Variants in CSTPP1 observed in about 807,000 individuals in gnomAD.
CSTPP1 encodes the protein centriolar satellite-associated tubulin polyglutamylase complex regulator 1.
chr11:47,031,927 G>A, the CSTPP1 span, among the ~76,000 whole-genome samples: 1 of 152,030 alleles, frequency 6.6e-6, no homozygotes, highest in Non-Finnish European at 1.5e-5. Flanking sequence ...AATGTTTTAG[G>A]GCAGGAAGCA....
chr11:46,984,081 C>T, the CSTPP1 span, among the ~76,000 whole-genome samples: 4 of 152,194 alleles, frequency 2.6e-5, no homozygotes, highest in South Asian at 2.1e-4. Context: ...CATAAATTCA[C>T]GTGGACCCAA....
At chr11:47,060,409 TGTA>T in the CSTPP1 span, among the ~76,000 whole-genome samples, 1 of 151,858 alleles carries the variant, frequency 6.6e-6, no homozygotes, top group Non-Finnish European at 1.5e-5. Flanking sequence ...AGCTAATTTT[TGTA>T]TTTTTTGTAG....
the CSTPP1 span, among the ~76,000 whole-genome samples, chr11:47,070,103 C>T: frequency 2.0e-5 from 3 of 152,138 alleles, no homozygotes; most frequent in African/African-American, 7.2e-5. Flanking sequence ...TCTACCAAGC[C>T]AGGCACAGTG....
chr11:47,021,181 A>G, the CSTPP1 span, among the ~76,000 whole-genome samples: 3 of 152,178 alleles, frequency 2.0e-5, no homozygotes, highest in Non-Finnish European at 4.4e-5. Context: ...CCTTGTCATC[A>G]TTGGCCTTAC....
At chr11:47,151,077 G>C in the CSTPP1 span, among the ~76,000 whole-genome samples, 1 of 151,864 alleles carries the variant, frequency 6.6e-6, no homozygotes, top group Non-Finnish European at 1.5e-5. Flanking sequence ...CAACACAATG[G>C]TAAAATGGTC....
At chr11:46,994,105 T>G in the CSTPP1 span, among the ~76,000 whole-genome samples, 1 of 152,214 alleles carries the variant, frequency 6.6e-6, no homozygotes, top group Non-Finnish European at 1.5e-5. Context: ...TAGGAATGCT[T>G]GTGATTTTTG....
the CSTPP1 span, among the ~76,000 whole-genome samples, chr11:47,072,151 G>A: frequency 6.6e-6 from 1 of 152,150 alleles, no homozygotes; most frequent in South Asian, 2.1e-4. Flanking sequence ...TTGGTGCAAG[G>A]GTGCAGTCAG....
the CSTPP1 span, among the ~76,000 whole-genome samples, chr11:47,087,765 A>G: frequency 6.6e-6 from 1 of 152,018 alleles, no homozygotes; most frequent in South Asian, 2.1e-4. Context: ...TGTGTTATAA[A>G]TCTCCCCCAA....
the CSTPP1 span, among the ~76,000 whole-genome samples, chr11:47,076,374 C>G: frequency 0.039 from 6,004 of 152,230 alleles, 362 homozygotes; most frequent in African/African-American, 0.14. Flanking sequence ...AATGAAATGA[C>G]CAGGTTTCCG....
chr11:47,073,458 C>T, the CSTPP1 span, among the ~76,000 whole-genome samples: 1 of 152,044 alleles, frequency 6.6e-6, no homozygotes, highest in Admixed American at 6.6e-5. Flanking sequence ...CTTTGGGGGG[C>T]CAGGGTAGGA....
At chr11:47,137,237 T>C in the CSTPP1 span, 49 of 1,260,374 alleles carry the variant, frequency 3.9e-5, no homozygotes, top group Non-Finnish European at 5.1e-5. Flanking sequence ...GGATGGTCTT[T>C]GGGCATGTGG....
At chr11:47,082,079 G>A in the CSTPP1 span, among the ~76,000 whole-genome samples, 5 of 149,080 alleles carry the variant, frequency 3.4e-5, no homozygotes, top group African/African-American at 1.2e-4. Context: ...GAGCCCAGGA[G>A]TTGGAGGCTT....
chr11:47,155,335 C>A, the CSTPP1 span: 2 of 1,300,648 alleles, frequency 1.5e-6, no homozygotes, highest in Non-Finnish European at 2.2e-6. Context: ...CCCTGCCCAT[C>A]TGTGTGCCTG....
chr11:47,084,324 CA>C, the CSTPP1 span, among the ~76,000 whole-genome samples: 25 of 152,272 alleles, frequency 1.6e-4, no homozygotes, highest in African/African-American at 5.5e-4. Flanking sequence ...ATGTTCATTA[CA>C]AATATTTTCT....
chr11:46,959,473 AC>A, the CSTPP1 span, among the ~76,000 whole-genome samples: 1 of 152,070 alleles, frequency 6.6e-6, no homozygotes, highest in African/African-American at 2.4e-5. Flanking sequence ...TTAATTTTAA[AC>A]CTGGGTGGAG....
chr11:47,139,005 A>C, the CSTPP1 span, among the ~76,000 whole-genome samples: 1 of 150,740 alleles, frequency 6.6e-6, no homozygotes, highest in Non-Finnish European at 1.5e-5. Context: ...AAAAAAAAAA[A>C]AAAAAAACCT....
chr11:46,963,377 A>G, the CSTPP1 span, among the ~76,000 whole-genome samples: 1 of 149,056 alleles, frequency 6.7e-6, no homozygotes. Flanking sequence ...TAGTTTTTCC[A>G]CATCTATTGA....
chr11:47,125,874 G>A, the CSTPP1 span, among the ~76,000 whole-genome samples: 6 of 152,082 alleles, frequency 3.9e-5, no homozygotes, highest in Admixed American at 2.6e-4. Flanking sequence ...AAAATTAGCC[G>A]GGCACGGTGG....
the CSTPP1 span, among the ~76,000 whole-genome samples, chr11:47,065,584 A>G: frequency 6.6e-6 from 1 of 152,022 alleles, no homozygotes; most frequent in African/African-American, 2.4e-5. Flanking sequence ...AGCCTCTTTC[A>G]GCGATGTTTT....
Sources: gnomAD v4.1 joint callset for allele counts (sites outside exome capture counted in the v4.1 genomes callset) on GRCh38, gnomAD v4.1.1 for gene constraint, MANE v1.5 for transcripts, NCBI Gene and HGNC (gene_info 2026-07-23, HGNC 2026-07-21) for gene names.